Variants in DPPA2 observed in about 807,000 individuals in gnomAD.
The protein encoded by DPPA2 is developmental pluripotency associated 2.
In DPPA2, 26 loss-of-function variants were observed where a neutral mutation model predicts 36.2. That is an observed-to-expected ratio of 0.72 (90% confidence interval 0.53 to 1.00). DPPA2 has a LOEUF of 1.00. Among genes scored for constraint, DPPA2 ranks in the 50% least tolerant of loss-of-function variants. The pLI is 0.00. For missense variants in DPPA2, 361 were observed against 365.1 expected (o/e 0.99, Z 0.09); for synonymous variants, 113 against 123.2 (o/e 0.92, Z 0.55).
intron 8 of DPPA2, among the ~76,000 whole-genome samples, chr3:109,295,707 A>G (rs1300866616): frequency 6.6e-6 from 1 of 152,094 alleles, no homozygotes; most frequent in African/African-American, 2.4e-5. Context: ...TAGACAAAGG[A>G]AGCATCAGAT....
chr3:109,298,717 A>AAATAACAAT (rs1553693071), intron 8 of DPPA2, among the ~76,000 whole-genome samples: 1 of 141,874 alleles, frequency 7.0e-6, no homozygotes, highest in African/African-American at 2.6e-5. Flanking sequence ...TTCTGTCTAA[A>AAATAACAAT]AATAATAATA....
chr3:109,308,271 T>A lies in DPPA2; in HGVS notation c.419A>T (p.Glu140Val). The A allele has an allele frequency of 6.2e-7, 1 of 1,614,232 alleles. No individual in the cohort carries two copies. ...QRQDMPEMSQETRLQRCSRKR... is the reference protein window; with the variant it reads ...QRQDMPEMSQVTRLQRCSRKR... ...CCTCGAACATCGCTGTAATCTGGTC[T>A]CTTGTGACATTTCAGGCATATCCTG... The change falls in exon 6 of 9, where the codon GAG (glutamate) becomes GTG (valine). Residue 140 changes from glutamate to valine, a missense_variant. Coordinates refer to ENST00000478945, the MANE Select transcript of DPPA2 (RefSeq NM_138815.4).
rs1576819287 is a variant in DPPA2, at chr3:109,304,539, G to C, written c.790C>G (p.Pro264Ala). The stretch of plus-strand genomic sequence containing the variant: ...CCTGGGGATGGGAAAATGCAGGCAG[G>C]TAACAAGAAGAGAGAAATCATCCTC... ...HRRMISLFLL[P>A]ACIFPSPGIE... The change falls in exon 7 of 9, where the codon CCT becomes GCT. Residue 264 changes from proline to alanine, a missense_variant. Physicochemically the swap from Pro to Ala is conservative, Grantham distance 27. Transcript: ENST00000478945. 3 of 1,613,936 alleles carry C rather than the reference G, an allele frequency of 1.9e-6. No individual in the cohort carries two copies. The highest frequency in any genetic ancestry group is 2.5e-6 in the Non-Finnish European group (3 of 1,180,026).
At chr3:109,305,793 C>T (rs2699957) in intron 6 of DPPA2, among the ~76,000 whole-genome samples, 33,456 of 138,754 alleles carry the variant, frequency 0.24, 4,193 homozygotes, top group Middle Eastern at 0.31. Context: ...AAAAAAAAAA[C>T]GCGTAAGGAA....
chr3:109,296,539 G>A (rs182577052), intron 8 of DPPA2, among the ~76,000 whole-genome samples: 7 of 152,272 alleles, frequency 4.6e-5, no homozygotes, highest in Middle Eastern at 3.4e-3. Flanking sequence ...GCTGGGTGTC[G>A]TGGCACATGC....
chr3:109,310,352 G>A (rs1215883645), intron 3 of DPPA2, among the ~76,000 whole-genome samples: 5 of 137,108 alleles, frequency 3.6e-5, no homozygotes, highest in East Asian at 2.4e-4. Context: ...AGGCGGCAGC[G>A]AGCTGAGATC....
chr3:109,306,976 T>C (rs1707578417), intron 6 of DPPA2, among the ~76,000 whole-genome samples: 1 of 148,344 alleles, frequency 6.7e-6, no homozygotes, highest in Non-Finnish European at 1.5e-5. Context: ...CCGGCCAAGA[T>C]TTTTTTTTTA....
chr3:109,307,662 A>G (rs1369370497), intron 6 of DPPA2, among the ~76,000 whole-genome samples: 2 of 151,906 alleles, frequency 1.3e-5, no homozygotes, highest in Admixed American at 1.3e-4. Context: ...GTAACTTGCC[A>G]ATGTCACATA....
intron 7 of DPPA2, among the ~76,000 whole-genome samples, chr3:109,302,052 C>T (rs932031644): frequency 7.9e-5 from 12 of 152,308 alleles, no homozygotes; most frequent in Admixed American, 2.0e-4. Flanking sequence ...AAGACTCTGT[C>T]CATTGCTCCC....
intron 8 of DPPA2, among the ~76,000 whole-genome samples, chr3:109,299,205 A>G (rs12630782): frequency 1.2e-3 from 55 of 47,748 alleles, no homozygotes; most frequent in Middle Eastern, 0.011. Flanking sequence ...TAAACATACC[A>G]AAAAAAAAAA....
At chr3:109,315,361 A>G (rs2107323533) in intron 1 of DPPA2, among the ~76,000 whole-genome samples, 1 of 152,288 alleles carries the variant, frequency 6.6e-6, no homozygotes, top group Middle Eastern at 3.4e-3. Flanking sequence ...AAATACAAAT[A>G]TTAAGCCTGC....
At chr3:109,314,291 A>G (rs988769646) in intron 2 of DPPA2, among the ~76,000 whole-genome samples, 1 of 152,100 alleles carries the variant, frequency 6.6e-6, no homozygotes, top group African/African-American at 2.4e-5. Context: ...GACTAAGAGG[A>G]GAAAATTTTA....
intron 7 of DPPA2, among the ~76,000 whole-genome samples, chr3:109,302,242 T>C (rs1334130619): frequency 6.6e-6 from 1 of 152,222 alleles, no homozygotes; most frequent in Non-Finnish European, 1.5e-5. Flanking sequence ...CTCAGAACTC[T>C]AGAACTTGTC....
At chr3:109,306,323 C>T (rs541879125) in intron 6 of DPPA2, among the ~76,000 whole-genome samples, 1 of 152,170 alleles carries the variant, frequency 6.6e-6, no homozygotes, top group Non-Finnish European at 1.5e-5. Flanking sequence ...GCAGTGCCCC[C>T]AGGCACACAG....
At chr3:109,303,372 CT>C (rs1198518930) in intron 7 of DPPA2, among the ~76,000 whole-genome samples, 1,816 of 142,380 alleles carry the variant, frequency 0.013, 30 homozygotes, top group African/African-American at 0.037. Context: ...TTTTCTTACT[CT>C]TTTTTTTTTT....
chr3:109,310,654 C>G (rs532931792), intron 3 of DPPA2, among the ~76,000 whole-genome samples: 1 of 149,388 alleles, frequency 6.7e-6, no homozygotes, highest in Non-Finnish European at 1.5e-5. Context: ...TACAGGCACG[C>G]GCCACCATGC....
At chr3:109,296,923 CA>C (rs1018288725) in intron 8 of DPPA2, among the ~76,000 whole-genome samples, 57 of 150,018 alleles carry the variant, frequency 3.8e-4, no homozygotes, top group African/African-American at 1.3e-3. Flanking sequence ...CCCATCTCTA[CA>C]AAAAAAAATA....
intron 7 of DPPA2, among the ~76,000 whole-genome samples, chr3:109,302,246 AC>A (rs750553233): frequency 6.6e-6 from 1 of 152,176 alleles, no homozygotes; most frequent in Non-Finnish European, 1.5e-5. Flanking sequence ...GAACTCTAGA[AC>A]TTGTCCCAAA....
chr3:109,315,504 T>C (rs1707772262), intron 1 of DPPA2, among the ~76,000 whole-genome samples: 1 of 152,184 alleles, frequency 6.6e-6, no homozygotes, highest in African/African-American at 2.4e-5. Flanking sequence ...GAGCCTAATG[T>C]TGGACACGGA....
Sources: gnomAD v4.1 joint callset for allele counts (sites outside exome capture counted in the v4.1 genomes callset) on GRCh38, gnomAD v4.1.1 for gene constraint, MANE v1.5 for transcripts, NCBI Gene and HGNC (gene_info 2026-07-23, HGNC 2026-07-21) for gene names.